MLF1: variants seen among roughly 807,000 people sequenced by gnomAD.
MLF1 encodes myeloid leukemia factor 1.
A neutral mutation model predicts 38.3 loss-of-function variants in MLF1; 37 were observed. The ratio of observed to expected loss-of-function variants is 0.96; its 90% CI spans 0.74 to 1.27. The LOEUF (loss-of-function observed/expected upper bound fraction) is 1.27. MLF1 is among the 50% of genes most tolerant of loss of function. The pLI is 0.00. For synonymous variants in MLF1, 95 were observed against 106.5 expected (o/e 0.89, Z 0.66); for missense variants, 331 against 349.2 (o/e 0.95, Z 0.42).
intron 1 of MLF1, among the ~76,000 whole-genome samples, chr3:158,588,366 C>A (rs974939385): frequency 1.3e-5 from 2 of 152,160 alleles, no homozygotes; most frequent in African/African-American, 4.8e-5. Context: ...CAATAGATAA[C>A]TAATACATGT....
At chr3:158,583,037 C>A (rs940605218) in intron 1 of MLF1, 22 of 542,922 alleles carry the variant, frequency 4.1e-5, no homozygotes, top group Non-Finnish European at 6.4e-6. Context: ...TGCCAATCTA[C>A]CTCTTATATT....
At chr3:158,585,056 GA>G (rs1264880198) in intron 1 of MLF1, among the ~76,000 whole-genome samples, 2 of 133,394 alleles carry the variant, frequency 1.5e-5, no homozygotes, top group Non-Finnish European at 3.2e-5. Flanking sequence ...AAAAAAAAAA[GA>G]AAAAGAAAAA....
chr3:158,595,054 A>G (rs1001481343), intron 3 of MLF1, among the ~76,000 whole-genome samples: 1 of 152,162 alleles, frequency 6.6e-6, no homozygotes, highest in African/African-American at 2.4e-5. Flanking sequence ...ATTGTAGTAA[A>G]TAGACAAAAT....
chr3:158,576,604 A>G (rs1020305249), intron 1 of MLF1, among the ~76,000 whole-genome samples: 1 of 152,166 alleles, frequency 6.6e-6, no homozygotes, highest in East Asian at 1.9e-4. Flanking sequence ...AATAATAACT[A>G]TGTTACCACT....
intron 1 of MLF1, among the ~76,000 whole-genome samples, chr3:158,574,241 A>T (rs1051572032): frequency 2.0e-5 from 3 of 152,144 alleles, no homozygotes; most frequent in African/African-American, 7.2e-5. Flanking sequence ...TTTTCTGAAG[A>T]TTATTTATTA....
chr3:158,601,118 T>G (rs1719681474), intron 6 of MLF1, among the ~76,000 whole-genome samples: 1 of 152,128 alleles, frequency 6.6e-6, no homozygotes, highest in Admixed American at 6.5e-5. Flanking sequence ...ATAGAGTGTT[T>G]AAATTTTAAA....
At chr3:158,581,694 C>A (rs1045998357) in intron 1 of MLF1, among the ~76,000 whole-genome samples, 1 of 152,154 alleles carries the variant, frequency 6.6e-6, no homozygotes, top group Admixed American at 6.5e-5. Flanking sequence ...GGCAAAAAAA[C>A]AGTTTGAAGA....
At chr3:158,602,466 A>G (rs183703743) in intron 6 of MLF1, among the ~76,000 whole-genome samples, 98 of 152,328 alleles carry the variant, frequency 6.4e-4, no homozygotes, top group African/African-American at 2.1e-3. Flanking sequence ...AGAAGTATAC[A>G]CTATACAGGA....
intron 1 of MLF1, among the ~76,000 whole-genome samples, chr3:158,577,385 C>G (rs560673069): frequency 6.6e-6 from 1 of 152,220 alleles, no homozygotes; most frequent in South Asian, 2.1e-4. Flanking sequence ...GAGTCTCTGC[C>G]AAATTGTCAT....
In MLF1 at chr3:158,605,407, A is replaced by G. The variant is rs1459317043; in HGVS notation, c.*205A>G. On this transcript the variant is annotated 3_prime_UTR_variant, in exon 8 of 8. Transcript: ENST00000466246. ...TTTTGATTTTCAACAATGTGAGTAAATTGAGTCTATTTAATGTAAAACTCT... is the reference window on the plus strand; with the variant it reads ...TTTTGATTTTCAACAATGTGAGTAAGTTGAGTCTATTTAATGTAAAACTCT... The G allele has an allele frequency of 9.5e-6, 4 of 420,140 alleles. No homozygotes were observed. Among genetic ancestry groups the G allele is most frequent in the Non-Finnish European group, 1.7e-5 (4 of 234,512 alleles). 26.0% of individuals were successfully genotyped at this position (420,140 alleles called of 1,614,324 possible).
intron 1 of MLF1, among the ~76,000 whole-genome samples, chr3:158,588,550 G>A (rs979504738): frequency 4.1e-5 from 6 of 146,402 alleles, no homozygotes; most frequent in African/African-American, 7.5e-5. Context: ...GCAGTGAGCC[G>A]AGATCGCGCC....
At chr3:158,603,117 T>C (rs1040634059) in intron 7 of MLF1, among the ~76,000 whole-genome samples, 178 bp downstream of exon 7, 1 of 152,236 alleles carries the variant, frequency 6.6e-6, no homozygotes, top group Non-Finnish European at 1.5e-5. Context: ...TTTAAATTTA[T>C]ATCTAAAAAT....
At position 158,602,803 on chromosome 3, in the gene MLF1, A is replaced by C. The variant is rs1322189436; in HGVS notation, c.614-4A>C. Reference sequence around the variant, plus strand: ...TATTCCCATTATTTTTCTGTTTGACATAGGTGATGCTCATGCTTTTGATGA... The same window carrying C: ...TATTCCCATTATTTTTCTGTTTGACCTAGGTGATGCTCATGCTTTTGATGA... On this transcript the variant is annotated splice_region_variant and splice_polypyrimidine_tract_variant and intron_variant, in intron 6 of 7. Transcript: ENST00000466246. 1.9e-6 allele frequency: 3 copies of C among 1,612,444 alleles called. No homozygotes were observed. In the Admixed American group the frequency reaches 5.0e-5, roughly 27 times the overall value.
intron 1 of MLF1, among the ~76,000 whole-genome samples, chr3:158,573,746 T>TAAATCTC (rs1017259984): frequency 1.6e-4 from 24 of 152,186 alleles, no homozygotes; most frequent in African/African-American, 5.3e-4. Context: ...AAAAAGGTCT[T>TAAATCTC]AAAATAAGAG....
intron 6 of MLF1, among the ~76,000 whole-genome samples, chr3:158,601,628 G>A (rs546226949): frequency 5.0e-4 from 76 of 150,908 alleles, no homozygotes; most frequent in South Asian, 2.3e-3. Flanking sequence ...ATGGTGGCCC[G>A]CGCCTGTAAT....
intron 3 of MLF1, among the ~76,000 whole-genome samples, chr3:158,595,774 A>G (rs1187350728): frequency 6.6e-6 from 1 of 152,116 alleles, no homozygotes; most frequent in Non-Finnish European, 1.5e-5. Context: ...TCCAATAGCA[A>G]TAGAACACAG....
intron 1 of MLF1, among the ~76,000 whole-genome samples, chr3:158,589,444 T>C: frequency 6.6e-6 from 1 of 151,928 alleles, no homozygotes; most frequent in Non-Finnish European, 1.5e-5. Context: ...GCTCTTGACT[T>C]CGTGATCCAC....
intron 3 of MLF1, among the ~76,000 whole-genome samples, chr3:158,593,895 T>G (rs1214217289): frequency 3.9e-5 from 6 of 152,224 alleles, no homozygotes; most frequent in African/African-American, 1.4e-4. Flanking sequence ...ATGGCCACTC[T>G]GCAACCAGCG....
At chr3:158,581,178 T>C (rs1229052405) in intron 1 of MLF1, among the ~76,000 whole-genome samples, 1 of 152,086 alleles carries the variant, frequency 6.6e-6, no homozygotes, top group Non-Finnish European at 1.5e-5. Context: ...AAACCTGACC[T>C]GTAGTTGACA....
Sources: gnomAD v4.1 joint callset for allele counts (sites outside exome capture counted in the v4.1 genomes callset) on GRCh38, gnomAD v4.1.1 for gene constraint, MANE v1.5 for transcripts, NCBI Gene and HGNC (gene_info 2026-07-23, HGNC 2026-07-21) for gene names.